RTTN: variants seen among roughly 807,000 people sequenced by gnomAD.
RTTN encodes rotatin.
RTTN carries 182 observed loss-of-function variants against 269.2 expected under a neutral mutation model. The ratio of observed to expected loss-of-function variants is 0.68; its 90% confidence interval spans 0.60 to 0.76. RTTN has a LOEUF of 0.76. Among genes scored for constraint, RTTN ranks in the 30% least tolerant of loss-of-function variants. RTTN has a pLI of 0.00. For missense variants in RTTN, 2,545 were observed against 2,608.6 expected (o/e 0.98, Z 0.53); for synonymous variants, 1,006 against 963.5 (o/e 1.04, Z -0.82).
At chr18:70,011,556 T>G (rs1489248745) in intron 46 of RTTN, among the ~76,000 whole-genome samples, 18 of 152,128 alleles carry the variant, frequency 1.2e-4, no homozygotes, top group Admixed American at 1.2e-3. Flanking sequence ...TGCTAAAAAC[T>G]CTCAATAAAC....
chr18:70,196,085 A>T lies in RTTN; in HGVS notation c.841+416T>A, dbSNP rs144127039. Among the ~76,000 whole-genome samples, 12 of 152,354 alleles carry T rather than the reference A, an allele frequency of 7.9e-5. No homozygotes were observed. In the East Asian group the frequency reaches 2.3e-3, roughly 29 times the overall value. ...TTGCTGCAACACTTGACTACATTGCAAGTTGCATAAAAATACTCTTCATAA... is the reference window on the plus strand; with the variant it reads ...TTGCTGCAACACTTGACTACATTGCTAGTTGCATAAAAATACTCTTCATAA... On this transcript the variant is annotated intron_variant, in intron 7 of 48. Transcript: ENST00000640769.
In RTTN at chr18:70,139,581, A is replaced by T; in HGVS notation, c.2788+18T>A. 1 of 1,398,316 alleles carries T rather than the reference A, an allele frequency of 7.2e-7. No individual in the cohort carries two copies. 86.6% of individuals were successfully genotyped at this position (1,398,316 alleles called of 1,614,324 possible). On this transcript the variant is annotated intron_variant, in intron 21 of 48. Transcript: ENST00000640769. ...ATTTAAGAACAATCTAATTATTAGC[A>T]GATTTTCTTTTATTTACCTCTGAAT... is the stretch of plus-strand genomic sequence containing the variant.
chr18:70,205,138 C>G lies in RTTN; in HGVS notation c.209G>C (p.Arg70Thr). ...TCAAAATGACCCTACCTTAACCAAT[C>G]TGCTTAACAGGTTCAGAACCTCTTC... ...MKEEVLNLLS[R>T]LVKYPPAVQH... Residue 70 changes from arginine (R) to threonine (T), a missense_variant, in exon 2 of 49, where the codon AGA becomes ACA. By Grantham distance (71) the Arg-to-Thr change is moderately conservative. Transcript: ENST00000640769. 1 of 1,614,126 alleles carries G rather than the reference C, an allele frequency of 6.2e-7. No homozygotes were observed.
chr18:70,020,544 G>T, intron 45 of RTTN, 71 bp downstream of exon 45: 1 of 1,323,656 alleles, frequency 7.6e-7, no homozygotes, highest in Non-Finnish European at 1.0e-6. Flanking sequence ...AAATTGAGTT[G>T]TAAACTTTTG....
intron 25 of RTTN, among the ~76,000 whole-genome samples, chr18:70,124,074 TA>T (rs34187694): frequency 1.1e-4 from 15 of 139,866 alleles, no homozygotes; most frequent in East Asian, 2.1e-4. Context: ...AAAGTCTATC[TA>T]AAAAAAAAAA....
rs1216692624 is a variant in RTTN at position 70,139,622 on chromosome 18, G to C, written c.2765C>G (p.Ser922Cys). 1 of 1,610,574 alleles carries C rather than the reference G, an allele frequency of 6.2e-7. No individual in the cohort carries two copies. The highest frequency in any genetic ancestry group is 8.5e-7 in the Non-Finnish European group (1 of 1,177,042). Residue 922 changes from serine (S) to cysteine (C), a missense_variant, in exon 21 of 49, where the codon TCT becomes TGT. Coordinates refer to ENST00000640769, the MANE Select transcript of RTTN (RefSeq NM_173630.4). ...ACCTCTGAATAACACGGTCAAAAGA[G>C]AAGACTGTTGCGAGAGCGAAACACG... ...VMRVSLSQQS[S>C]LLTVLFRVSL...
chr18:70,020,811 C>T lies in RTTN; in HGVS notation c.5957G>A (p.Ser1986Asn), dbSNP rs2056682649. ...VYTANFPNGC[S>N]SLCWSSCGQH... Reference sequence around the variant, plus strand: ...TCCACAACTTGACCAACAAAGAGAACTGCAACCTTCAAAAATAACAGCCTA... The same window carrying T: ...TCCACAACTTGACCAACAAAGAGAATTGCAACCTTCAAAAATAACAGCCTA... The change falls in exon 45 of 49, where the codon AGT (serine) becomes AAT (asparagine). Residue 1986 changes from serine to asparagine, a missense_variant. By Grantham distance (46) the Ser-to-Asn change is conservative. Transcript: ENST00000640769. The T allele has an allele frequency of 6.2e-7, 1 of 1,609,158 alleles. No homozygotes were observed.
intron 25 of RTTN, among the ~76,000 whole-genome samples, chr18:70,124,257 C>G (rs2059808767): frequency 6.6e-6 from 1 of 151,904 alleles, no homozygotes; most frequent in Admixed American, 6.6e-5. Flanking sequence ...ATAATCACAG[C>G]GCAAAAACAG....
intron 28 of RTTN, among the ~76,000 whole-genome samples, chr18:70,099,679 G>A (rs534095177): frequency 1.1e-4 from 17 of 152,200 alleles, no homozygotes; most frequent in Non-Finnish European, 2.1e-4. Flanking sequence ...GAATGGTATT[G>A]CCTAGGTTTT....
At chr18:70,023,923 C>G (rs889297975) in intron 44 of RTTN, among the ~76,000 whole-genome samples, 1 of 152,140 alleles carries the variant, frequency 6.6e-6, no homozygotes, top group East Asian at 1.9e-4. Flanking sequence ...GCTGGAACTA[C>G]AGGCATGCAC....
At chr18:70,026,419 T>C (rs1248053718) in intron 43 of RTTN, among the ~76,000 whole-genome samples, 1 of 152,076 alleles carries the variant, frequency 6.6e-6, no homozygotes, top group Admixed American at 6.6e-5. Context: ...ATCTGGTCAT[T>C]TAAAAGTGTG....
chr18:70,105,341 T>C (rs560941796), intron 28 of RTTN, among the ~76,000 whole-genome samples: 29 of 152,312 alleles, frequency 1.9e-4, no homozygotes, highest in African/African-American at 5.3e-4. Context: ...GCTAAGACCA[T>C]TGGAAAAGCA....
intron 25 of RTTN, among the ~76,000 whole-genome samples, chr18:70,125,084 T>C (rs2059831431): frequency 6.6e-6 from 1 of 152,048 alleles, no homozygotes; most frequent in Non-Finnish European, 1.5e-5. Flanking sequence ...TATAAAAACA[T>C]ACACATAAAT....
chr18:70,115,505 C>T (rs1259441437), intron 26 of RTTN, among the ~76,000 whole-genome samples: 1 of 123,492 alleles, frequency 8.1e-6, no homozygotes, highest in Non-Finnish European at 1.8e-5. Flanking sequence ...ATCTATGATG[C>T]CTCAGGCACT....
chr18:70,140,119 C>T lies in RTTN; in HGVS notation c.2651G>A (p.Cys884Tyr). 6.3e-7 allele frequency: 1 copy of T among 1,597,310 alleles called. No homozygotes were observed. Among genetic ancestry groups the T allele is most frequent in the Non-Finnish European group, 8.6e-7 (1 of 1,165,562 alleles). ...IDKIIEYLNE[C>Y]VSQDGKVVEC... is the part of the protein sequence containing the mutation. ...CCTTACCTTGCCATCTTGACTCACA[C>T]ATTCATTTAAATACTCAATTATTTT... Residue 884 changes from cysteine (C) to tyrosine (Y), a missense_variant, in exon 20 of 49, where the codon TGT (cysteine) becomes TAT (tyrosine). Coordinates refer to ENST00000640769, the MANE Select transcript of RTTN (RefSeq NM_173630.4).
rs77337098 is a variant in RTTN at position 70,092,204 on chromosome 18, C to A, written c.4049G>T (p.Trp1350Leu). Residue 1350 changes from tryptophan (W) to leucine (L), a missense_variant, in exon 30 of 49, where the codon TGG becomes TTG. Trp to Leu is a moderately conservative substitution (Grantham distance 61). Coordinates refer to ENST00000640769, the MANE Select transcript of RTTN (RefSeq NM_173630.4). ...ACTATGACTACCCAAAGGCAAGAAC[C>A]AAAGTGACATCCACTCCTAGAGGGA... ...QAGSLEWMSL[W>L]FLPLGSHSEE... 1 of 1,607,856 alleles carries A rather than the reference C, an allele frequency of 6.2e-7. No individual in the cohort carries two copies. The highest frequency in any genetic ancestry group is 1.1e-5 in the South Asian group (1 of 90,876).
At chr18:70,031,748 G>A (rs1001650290) in intron 40 of RTTN, among the ~76,000 whole-genome samples, 1 of 151,162 alleles carries the variant, frequency 6.6e-6, no homozygotes, top group Non-Finnish European at 1.5e-5. Flanking sequence ...GAGGGACTGG[G>A]ACACCAGGAA....
intron 11 of RTTN, 35 bp downstream of exon 11, chr18:70,176,640 T>C: frequency 2.5e-6 from 4 of 1,579,864 alleles, no homozygotes; most frequent in Non-Finnish European, 3.4e-6. Flanking sequence ...TATAATAGTC[T>C]GTAAAGTACA....
At chr18:70,059,705 A>G in intron 36 of RTTN, 145 bp downstream of exon 36, 1 of 506,630 alleles carries the variant, frequency 2.0e-6, no homozygotes, top group Non-Finnish European at 3.2e-6. Flanking sequence ...CAATTCTGGC[A>G]AAAGCAAAAT....
Sources: gnomAD v4.1 joint callset for allele counts (sites outside exome capture counted in the v4.1 genomes callset) on GRCh38, gnomAD v4.1.1 for gene constraint, MANE v1.5 for transcripts, NCBI Gene and HGNC (gene_info 2026-07-23, HGNC 2026-07-21) for gene names.